Variants in SIGIRR observed in about 807,000 individuals in gnomAD.
SIGIRR encodes single Ig and TIR domain containing.
In SIGIRR, 41 loss-of-function variants were observed where a neutral mutation model predicts 45.6. The observed-to-expected ratio is 0.90, with a 90% CI of 0.70 to 1.17. The LOEUF (loss-of-function observed/expected upper bound fraction) is 1.17, where lower values mean the gene tolerates loss of function less well. SIGIRR is among the 50% of genes most tolerant of loss of function. The pLI is 0.00. For missense variants in SIGIRR, 599 were observed against 539.6 expected, an observed-to-expected ratio of 1.11 and a Z score of -1.09; for synonymous variants, 298 against 239.0, an observed-to-expected ratio of 1.25 and a Z score of -2.28.
intron 1 of SIGIRR, among the ~76,000 whole-genome samples, chr11:413,169 G>A (rs1168340136): frequency 6.6e-6 from 1 of 152,106 alleles, no homozygotes; most frequent in Non-Finnish European, 1.5e-5. Context: ...ATTCCTCCCC[G>A]CTAAGGCCCC....
chr11:412,206 G>A (rs1184661223), intron 1 of SIGIRR, among the ~76,000 whole-genome samples: 8 of 21,276 alleles, frequency 3.8e-4, no homozygotes, highest in Non-Finnish European at 3.2e-4. Flanking sequence ...GGATACAGTC[G>A]GGGAGGGGTG....
chr11:410,090 C>A lies in SIGIRR; in HGVS notation c.-153-63G>T, dbSNP rs73400591. On this transcript the variant is annotated intron_variant, in intron 1 of 9. Coordinates refer to ENST00000431843, the MANE Select transcript of SIGIRR (RefSeq NM_001135054.2). Reference sequence around the variant, plus strand: ...GGATGAGTTAACCAGTAACTGCCGGCCACAGACAGCACTGGCCCTGACCAG... The same window carrying A: ...GGATGAGTTAACCAGTAACTGCCGGACACAGACAGCACTGGCCCTGACCAG... 1.7e-4 allele frequency: 206 copies of A among 1,225,996 alleles called. 3 individuals are homozygous for A. The South Asian group carries it at 6.9e-3, about 41-fold the overall frequency. 75.9% of individuals were successfully genotyped at this position (1,225,996 alleles called of 1,614,324 possible).
In SIGIRR at chr11:407,425, C is replaced by T; in HGVS notation, c.625G>A (p.Glu209Lys). ...GGGCACGGGGTGGGGCCCGGGATAC[C>T]AGCGCGCGGCAGGAGGTCGCGGTCG... ...LDDRDLLPRAEPSADLLVNLS... is the reference protein window; with the variant it reads ...LDDRDLLPRAKPSADLLVNLS... Residue 209 changes from glutamate to lysine, a missense_variant and splice_region_variant, in exon 6 of 10, where the codon GAG becomes AAG. Glu to Lys is a moderately conservative substitution (Grantham distance 56). Transcript: ENST00000431843. The T allele has an allele frequency of 6.5e-7, 1 of 1,544,534 alleles. No homozygotes were observed.
chr11:417,363 G>A (rs1057159631), upstream of SIGIRR: 2 of 152,194 alleles, frequency 1.3e-5, no homozygotes, highest in African/African-American at 4.8e-5. This position sits in a 1 kb window ranked among gnomAD's most constrained non-coding sequence, Gnocchi z 4.2. Context: ...GGCGGGGGCG[G>A]GGCAGCTCAC....
rs1020533325 is a variant in SIGIRR at position 405,813 on chromosome 11, G to A, written c.*83C>T. On this transcript the variant is annotated 3_prime_UTR_variant, in exon 10 of 10. Coordinates refer to ENST00000431843, the MANE Select transcript of SIGIRR (RefSeq NM_001135054.2). ...GGCAGGGTCCCAGGGCTGCTGGCAG[G>A]GGTTGTGGTCCTGTTGAGCAGAGGA... 4.8e-5 allele frequency: 72 copies of A among 1,486,704 alleles called. No individual in the cohort carries two copies. In the African/African-American group the frequency reaches 9.5e-4, roughly 20 times the overall value. 92.1% of individuals were successfully genotyped at this position (1,486,704 alleles called of 1,614,324 possible).
chr11:410,619 C>T (rs1272788155), intron 1 of SIGIRR, among the ~76,000 whole-genome samples: 29 of 5,700 alleles, frequency 5.1e-3, no homozygotes, highest in African/African-American at 0.027. Flanking sequence ...TGGATGCAGT[C>T]GGGGGGGGGG....
chr11:411,731 C>T (rs111636510), intron 1 of SIGIRR, among the ~76,000 whole-genome samples: 7 of 100,470 alleles, frequency 7.0e-5, no homozygotes, highest in South Asian at 3.8e-4. Context: ...GGGGGGGTGC[C>T]CAGCTCTGAC....
Position 408,847 on chromosome 11 carries a change from C to T in SIGIRR, c.54G>A (p.Gln18=), listed in dbSNP as rs1482826890. 2.5e-6 allele frequency: 4 copies of T among 1,612,666 alleles called. No homozygotes were observed. The East Asian group carries it at 8.9e-5, about 36-fold the overall frequency. ...AGCTGCCCAAGGCAGGCCTCAGCACCTGGTCTTCAGACGGGGAGAGGAAGT... is the reference window on the plus strand; with the variant it reads ...AGCTGCCCAAGGCAGGCCTCAGCACTTGGTCTTCAGACGGGGAGAGGAAGT... ...APDFLSPSED[Q]VLRPALGSSV... is the part of the protein sequence containing the mutation. The change falls in exon 3 of 10, where the codon CAG becomes CAA. Residue 18 remains glutamine (Q), a synonymous_variant. Transcript: ENST00000431843.
Position 406,473 on chromosome 11 carries a change from A to C in SIGIRR, c.945T>G (p.Pro315=), listed in dbSNP as rs3087588. ...LALPRKVQYR[P]VEGDPQTQLQ... ...GCTGCGTCTGGGGGTCTCCTTCCAC[A>C]GGCCTGTACTGCACCTTCCGCGGCA... The change falls in exon 9 of 10, where the codon CCT becomes CCG. Residue 315 remains proline, a synonymous_variant. Coordinates refer to ENST00000431843, the MANE Select transcript of SIGIRR (RefSeq NM_001135054.2). The C allele has an allele frequency of 0.79, 1,266,810 of 1,612,410 alleles. 502,285 individuals are homozygous for C. The highest frequency in any genetic ancestry group is 1 in the East Asian group (44,842 of 44,868).
intron 2 of SIGIRR, chr11:409,420 C>T (rs1044266264): frequency 3.1e-5 from 8 of 259,960 alleles, no homozygotes; most frequent in African/African-American, 4.4e-5. Flanking sequence ...CTCATTCCTG[C>T]CTTGGGGGTC....
At chr11:411,654 A>G (rs1847631245) in intron 1 of SIGIRR, among the ~76,000 whole-genome samples, 1 of 86,480 alleles carries the variant, frequency 1.2e-5, no homozygotes, top group African/African-American at 4.5e-5. Context: ...CCCAGCTCTG[A>G]CCATGTCTGG....
At chr11:406,096 C>CCA in intron 9 of SIGIRR, 37 bp from the exon 10 acceptor site, 1 of 1,546,506 alleles carries the variant, frequency 6.5e-7, no homozygotes, top group Non-Finnish European at 8.7e-7. Context: ...AGGTGGCCAC[C>CCA]CACAGCCTTG....
intron 1 of SIGIRR, 146 bp from the exon 2 acceptor site, chr11:410,173 T>A: frequency 1.4e-6 from 1 of 694,698 alleles, no homozygotes; most frequent in East Asian, 3.5e-5. Context: ...CAGCAGGGTG[T>A]CTCTTTGAGC....
At chr11:410,987 A>G (rs1320194760) in intron 1 of SIGIRR, among the ~76,000 whole-genome samples, 68 of 1,712 alleles carry the variant, frequency 0.04, no homozygotes, top group African/African-American at 0.18. Context: ...GCAGTCGGGG[A>G]GGGGGGTGCC....
In SIGIRR at chr11:410,273, T is replaced by C. The variant is rs996575049; in HGVS notation, c.-153-246A>G. Among the ~76,000 whole-genome samples, 3 of 152,210 alleles carry C rather than the reference T, an allele frequency of 2.0e-5. No homozygotes were observed. The East Asian group carries it at 5.8e-4, about 30-fold the overall frequency. On this transcript the variant is annotated intron_variant, in intron 1 of 9. Transcript: ENST00000431843. ...AGTCCAGGATCACCTCCACCGGCCC[T>C]GGGGCCACCATGACGGCCCCAGGGT...
At chr11:416,630 C>T (rs1206851550), upstream of SIGIRR, among the ~76,000 whole-genome samples, 1 of 152,170 alleles carries the variant, frequency 6.6e-6, no homozygotes, top group Non-Finnish European at 1.5e-5. The surrounding 1 kb of genome is among the most constrained non-coding windows in gnomAD (Gnocchi z 9.1). Context: ...ACCCTGCGGG[C>T]GACTCCCGCT....
At chr11:409,729 T>C in intron 2 of SIGIRR, 139 bp downstream of exon 2, 1 of 964,902 alleles carries the variant, frequency 1.0e-6, no homozygotes, top group South Asian at 2.8e-5. Context: ...GTGGGAGGGG[T>C]GAGCAGGGGC....
In SIGIRR at chr11:414,978, G is replaced by C; in HGVS notation, c.-309C>G. Reference sequence around the variant, plus strand: ...CGGTGGGGACCTGGCTTGTGTCTTTGTGTATTTTGATCAGAACTTTCCCTG... The same window carrying C: ...CGGTGGGGACCTGGCTTGTGTCTTTCTGTATTTTGATCAGAACTTTCCCTG... On this transcript the variant is annotated 5_prime_UTR_variant, in exon 1 of 10. Coordinates refer to ENST00000431843, the MANE Select transcript of SIGIRR (RefSeq NM_001135054.2). The C allele has an allele frequency of 1.5e-6, 1 of 652,404 alleles. No homozygotes were observed. The highest frequency in any genetic ancestry group is 1.9e-6 in the Non-Finnish European group (1 of 525,902). The allele number at this position is 652,404 out of a possible 1,614,324, so 40.4% of individuals were successfully genotyped here. A position where few individuals can be genotyped will look rare whatever the true frequency, so the allele number is the denominator to read the frequency against.
chr11:412,940 A>T (rs912199885), intron 1 of SIGIRR, among the ~76,000 whole-genome samples: 4 of 152,086 alleles, frequency 2.6e-5, no homozygotes, highest in African/African-American at 9.7e-5. Context: ...ACACACCTCA[A>T]GTCTCCCAAA....
Sources: gnomAD v4.1 joint callset for allele counts (sites outside exome capture counted in the v4.1 genomes callset) on GRCh38, gnomAD v4.1.1 for gene constraint, Gnocchi (gnomAD v3.1) non-coding constraint, MANE v1.5 for transcripts, NCBI Gene and HGNC (gene_info 2026-07-23, HGNC 2026-07-21) for gene names.